GAB3: variants seen among roughly 807,000 people sequenced by gnomAD.
The protein encoded by GAB3 is GRB2-associated-binding protein 3.
A neutral mutation model predicts 40.4 loss-of-function variants in GAB3; 12 were observed. The observed-to-expected ratio is 0.30, with a 90% CI of 0.19 to 0.48. The LOEUF (loss-of-function observed/expected upper bound fraction) is 0.48, where lower values mean the gene tolerates loss of function less well. GAB3 is among the 20% of genes least tolerant of loss of function. GAB3 has a pLI of 0.99. For synonymous variants in GAB3, 154 were observed against 176.7 expected (o/e 0.87, Z 1.02); for missense variants, 381 against 461.9 (o/e 0.82, Z 1.61).
At chrX:154,700,941 A>T (rs1019373361) in intron 4 of GAB3, among the ~76,000 whole-genome samples, 1 of 111,533 alleles carries the variant, frequency 9.0e-6, no homozygotes, top group African/African-American at 3.3e-5. Flanking sequence ...CTCGGAAAAG[A>T]TGTGACAGAG....
intron 1 of GAB3, among the ~76,000 whole-genome samples, chrX:154,739,199 C>T (rs1557260907): frequency 8.9e-6 from 1 of 111,921 alleles, no homozygotes; most frequent in Non-Finnish European, 1.9e-5. Flanking sequence ...CAAAGCTTCT[C>T]AGTACCATGC....
At position 154,680,218 on chromosome X, in the gene GAB3, T is replaced by C; in HGVS notation, c.1561A>G (p.Ser521Gly). ...EEHRTASSLS[S>G]GALTWTKKFS... ...TTCTTTGTCCACGTAAGGGCACCAC[T>C]GCTCAGGGAACTGGCTGTTCGGTGC... Residue 521 changes from serine to glycine, a missense_variant, in exon 9 of 10, where the codon AGT (serine) becomes GGT (glycine). This residue lies in a region of GAB3 where 364 missense variants were observed against 421.0 expected (regional missense o/e 0.86). Coordinates refer to ENST00000424127, the MANE Select transcript of GAB3 (RefSeq NM_001081573.3). 8.3e-7 allele frequency: 1 copy of C among 1,207,677 alleles called. No individual in the cohort carries two copies. Among genetic ancestry groups the C allele is most frequent in the African/African-American group, 1.7e-5 (1 of 57,684 alleles).
At chrX:154,694,801 T>G (rs886131716) in intron 8 of GAB3, among the ~76,000 whole-genome samples, 27 of 112,045 alleles carry the variant, frequency 2.4e-4, no homozygotes, top group African/African-American at 7.8e-4. Context: ...TTTTCTGTTC[T>G]CTGGAGACAG....
intron 1 of GAB3, among the ~76,000 whole-genome samples, chrX:154,722,710 T>G (rs2071153078): frequency 1.8e-5 from 2 of 112,013 alleles, no homozygotes; most frequent in East Asian, 2.8e-4. Flanking sequence ...GATAAAAACA[T>G]TAAAAATGCA....
chrX:154,690,402 C>A (rs2070538351), intron 8 of GAB3, among the ~76,000 whole-genome samples: 1 of 111,889 alleles, frequency 8.9e-6, no homozygotes, highest in Admixed American at 9.5e-5. Context: ...GCAACCAAAG[C>A]CAAAATTGAC....
Position 154,687,336 on chromosome X carries a change from A to T in GAB3, c.1531-7088T>A, listed in dbSNP as rs1389353452. On this transcript the variant is annotated intron_variant, in intron 8 of 9. Coordinates refer to ENST00000424127, the MANE Select transcript of GAB3 (RefSeq NM_001081573.3). ...ATAGATTTAATGCAATTCCAACTAA[A>T]AAAAAAAGTGTTAGGCCAGGCGTGG... Among the ~76,000 whole-genome samples the T allele has an allele frequency of 2.0e-4, 22 of 111,168 alleles. No homozygotes were observed. In the Admixed American group the frequency reaches 2.1e-3, roughly 11 times the overall value.
At chrX:154,706,472 C>T (rs1490971555) in intron 4 of GAB3, among the ~76,000 whole-genome samples, 2 of 110,450 alleles carry the variant, frequency 1.8e-5, no homozygotes, top group Non-Finnish European at 3.8e-5. Flanking sequence ...AATGAACATG[C>T]TATCCAAAGT....
chrX:154,705,206 G>A (rs782355631), intron 4 of GAB3, among the ~76,000 whole-genome samples: 44 of 111,580 alleles, frequency 3.9e-4, no homozygotes, highest in African/African-American at 1.4e-3. Flanking sequence ...CAGTATCTCT[G>A]ATGAACATAG....
At chrX:154,708,244 C>T (rs146131657) in intron 4 of GAB3, among the ~76,000 whole-genome samples, 1,536 of 112,049 alleles carry the variant, frequency 0.014, 26 homozygotes, top group African/African-American at 0.047. Flanking sequence ...TTATAGACTT[C>T]AATCTAAAAT....
chrX:154,738,343 T>A (rs1243053580), intron 1 of GAB3, among the ~76,000 whole-genome samples: 2 of 112,852 alleles, frequency 1.8e-5, no homozygotes, highest in Admixed American at 9.3e-5. Context: ...CTCTGTTCTA[T>A]CCTAAGGAAT....
At chrX:154,750,172 T>C (rs1230701978) in intron 1 of GAB3, among the ~76,000 whole-genome samples, 1 of 112,940 alleles carries the variant, frequency 8.9e-6, no homozygotes, top group African/African-American at 3.2e-5. Context: ...GAAGTGGTTC[T>C]TCCTAATGGC....
At chrX:154,715,062 T>C (rs1408224114) in intron 2 of GAB3, among the ~76,000 whole-genome samples, 1 of 112,389 alleles carries the variant, frequency 8.9e-6, no homozygotes, top group East Asian at 2.8e-4. Flanking sequence ...AGGAATGTGT[T>C]CTCAGAAAGC....
chrX:154,708,988 GAATTGTAATTC>G (rs2070863509), intron 4 of GAB3, among the ~76,000 whole-genome samples: 1 of 111,608 alleles, frequency 9.0e-6, no homozygotes, highest in Non-Finnish European at 1.9e-5. Flanking sequence ...ATCTCATGTT[GAATTGTAATTC>G]CCAATGTTGG....
chrX:154,720,051 G>A (rs1226654675), intron 1 of GAB3, among the ~76,000 whole-genome samples: 1 of 110,329 alleles, frequency 9.1e-6, no homozygotes, highest in African/African-American at 3.3e-5. Flanking sequence ...AATCCTCCGA[G>A]ACATCTGAAT....
intron 1 of GAB3, among the ~76,000 whole-genome samples, chrX:154,720,626 C>CAA (rs782047643): frequency 8.8e-3 from 252 of 28,475 alleles, no homozygotes; most frequent in Non-Finnish European, 0.011. Flanking sequence ...GACTCCGTCT[C>CAA]AAAAAAAAAA....
In GAB3 at chrX:154,716,116, A is replaced by G; in HGVS notation, c.286T>C (p.Tyr96His). The stretch of plus-strand genomic sequence containing the variant: ...TCTTGCTCAGTTTTGGCCACCAGGT[A>G]GAATGTACGGGAAGTAGTCTTGACA... ...FIVKTTSRTF[Y>H]LVAKTEQEMQ... The change falls in exon 2 of 10, where the codon TAC (tyrosine) becomes CAC (histidine). Residue 96 changes from tyrosine to histidine, a missense_variant. Coordinates refer to ENST00000424127, the MANE Select transcript of GAB3 (RefSeq NM_001081573.3). 1 of 1,212,128 alleles carries G rather than the reference A, an allele frequency of 8.2e-7. No homozygotes were observed. Among genetic ancestry groups the G allele is most frequent in the Non-Finnish European group, 1.1e-6 (1 of 895,417 alleles).
intron 1 of GAB3, among the ~76,000 whole-genome samples, chrX:154,741,668 T>C (rs1603428076): frequency 1.4e-5 from 1 of 72,534 alleles, no homozygotes; most frequent in Admixed American, 1.9e-4. Context: ...AGAGCAAGAC[T>C]CCATCTCAAA....
chrX:154,736,080 G>A (rs1376389249), intron 1 of GAB3, among the ~76,000 whole-genome samples: 1 of 112,879 alleles, frequency 8.9e-6, no homozygotes, highest in East Asian at 2.8e-4. Context: ...GCCCCCCAAA[G>A]TGGGGGAAGA....
At chrX:154,724,684 A>C (rs1165575104) in intron 1 of GAB3, among the ~76,000 whole-genome samples, 1 of 112,692 alleles carries the variant, frequency 8.9e-6, no homozygotes, top group African/African-American at 3.2e-5. Flanking sequence ...AGGTGTGTTT[A>C]GGTCACAGGC....
Sources: gnomAD v4.1 joint callset for allele counts (sites outside exome capture counted in the v4.1 genomes callset) on GRCh38, gnomAD v4.1.1 for gene constraint, gnomAD v4.1.1 regional missense constraint, MANE v1.5 for transcripts, NCBI Gene and HGNC (gene_info 2026-07-23, HGNC 2026-07-21) for gene names.